The following MYO9A variants were observed in gnomAD, a reference collection of about 807,000 sequenced individuals.
MYO9A encodes myosin IXA.
Under a neutral mutation model 293.3 loss-of-function variants are expected in MYO9A, and 103 were observed. The ratio of observed to expected loss-of-function variants is 0.35; its 90% CI spans 0.30 to 0.41. MYO9A has a LOEUF of 0.41. Ranked by LOEUF, MYO9A falls within the 10% of genes least tolerant of loss-of-function variation. MYO9A has a pLI of 1.00. For missense variants in MYO9A, 2,685 were observed against 3,033.0 expected (o/e 0.89, Z 2.69); for synonymous variants, 1,001 against 1,035.7 (o/e 0.97, Z 0.64).
chr15:72,062,399 C>T (rs776525754), intron 1 of MYO9A, among the ~76,000 whole-genome samples: 34 of 152,132 alleles, frequency 2.2e-4, no homozygotes, highest in Non-Finnish European at 4.6e-4. Context: ...AGATATGTGA[C>T]CTTTCAGAGA....
intron 1 of MYO9A, among the ~76,000 whole-genome samples, chr15:72,096,667 A>C (rs762462917): frequency 1.3e-5 from 2 of 152,252 alleles, no homozygotes; most frequent in Non-Finnish European, 2.9e-5. Flanking sequence ...ATGAGGCTTT[A>C]GCTGCCATAG....
rs1368421801 is a variant in MYO9A at position 72,044,735 on chromosome 15, G to A, written c.840+989C>T. On this transcript the variant is annotated intron_variant, in intron 2 of 41. Coordinates refer to ENST00000356056, the MANE Select transcript of MYO9A (RefSeq NM_006901.4). The stretch of plus-strand genomic sequence containing the variant: ...TATTCTCTACATTATTACAAGTTTC[G>A]ATGCTAGGCACAGCTGTTAAGCTTG... Among the ~76,000 whole-genome samples the A allele has an allele frequency of 2.0e-5, 3 of 151,980 alleles. No homozygotes were observed. The East Asian group carries it at 5.8e-4, about 29-fold the overall frequency.
At chr15:71,911,919 T>C (rs927096537) in intron 19 of MYO9A, among the ~76,000 whole-genome samples, 6 of 152,242 alleles carry the variant, frequency 3.9e-5, no homozygotes, top group African/African-American at 1.2e-4. Flanking sequence ...ATATACATTA[T>C]AGTCTACCAT....
chr15:72,054,769 A>C (rs1250253040), intron 1 of MYO9A, among the ~76,000 whole-genome samples: 2 of 151,950 alleles, frequency 1.3e-5, no homozygotes, highest in African/African-American at 4.8e-5. Flanking sequence ...TATGATTATA[A>C]ATAAGATCAA....
chr15:71,827,783 TAC>T (rs2054568252), intron 41 of MYO9A, 99 bp downstream of exon 41: 2 of 1,291,194 alleles, frequency 1.5e-6, no homozygotes, highest in Admixed American at 4.6e-5. Context: ...ATTGCTGATG[TAC>T]AGTCAGTAAA....
intron 27 of MYO9A, among the ~76,000 whole-genome samples, chr15:71,887,685 C>A (rs2057061174): frequency 6.6e-6 from 1 of 152,148 alleles, no homozygotes; most frequent in African/African-American, 2.4e-5. Context: ...TACCTTTCCT[C>A]TGCATGATGT....
At chr15:71,970,884 C>T (rs957758514) in intron 12 of MYO9A, among the ~76,000 whole-genome samples, 5 of 151,938 alleles carry the variant, frequency 3.3e-5, no homozygotes, top group African/African-American at 9.7e-5. Flanking sequence ...CTCGGCCGGG[C>T]GCAGTGGCTC....
chr15:71,990,429 C>A (rs1383114160), intron 11 of MYO9A, among the ~76,000 whole-genome samples: 1 of 151,946 alleles, frequency 6.6e-6, no homozygotes, highest in Non-Finnish European at 1.5e-5. Context: ...CATCTGCTTA[C>A]AATGATATGT....
chr15:71,859,603 A>G, intron 34 of MYO9A, 132 bp downstream of exon 34: 1 of 622,232 alleles, frequency 1.6e-6, no homozygotes, highest in Non-Finnish European at 2.8e-6. Context: ...ACATATTTCT[A>G]CTGTGATTTG....
At position 72,117,773 on chromosome 15, in the gene MYO9A, A is replaced by C. The variant is rs1041557018; in HGVS notation, c.-165T>G. On this transcript the variant is annotated 5_prime_UTR_variant, in exon 1 of 42. Coordinates refer to ENST00000356056, the MANE Select transcript of MYO9A (RefSeq NM_006901.4). Reference sequence around the variant, plus strand: ...CCCAGGGTAGGACCGGAGATGGCAGAAGAGGCCGAGGCCACCGAGGGTCGG... The same window carrying C: ...CCCAGGGTAGGACCGGAGATGGCAGCAGAGGCCGAGGCCACCGAGGGTCGG... The C allele has an allele frequency of 2.5e-6, 1 of 397,960 alleles. No individual in the cohort carries two copies. The highest frequency in any genetic ancestry group is 2.1e-5 in the African/African-American group (1 of 48,560). 24.7% of individuals were successfully genotyped at this position (397,960 alleles called of 1,614,324 possible). A position where few individuals can be genotyped will look rare whatever the true frequency, so the allele number is the denominator to read the frequency against.
chr15:71,878,524 G>A (rs547933376), intron 30 of MYO9A, among the ~76,000 whole-genome samples: 44 of 152,128 alleles, frequency 2.9e-4, no homozygotes, highest in African/African-American at 9.9e-4. Flanking sequence ...AGCTATAAAG[G>A]TTATTTGCAT....
At chr15:71,970,885 G>A (rs1213200768) in intron 12 of MYO9A, among the ~76,000 whole-genome samples, 1 of 152,066 alleles carries the variant, frequency 6.6e-6, no homozygotes, top group East Asian at 1.9e-4. Flanking sequence ...TCGGCCGGGC[G>A]CAGTGGCTCA....
Position 71,925,366 on chromosome 15 carries a change from CATATATACGTATATACGTGTATATGG to C in MYO9A, c.2562+8278_2562+8303del, listed in dbSNP as rs1483729964. ...ACATATATACTTACATGTATATATA[CATATATACGTATATACGTGTATATGG>C]ATATATACGTATATACATATCTATG... On this transcript the variant is annotated intron_variant, in intron 18 of 41. Transcript: ENST00000356056. 3.3e-5 allele frequency among the ~76,000 whole-genome samples: 5 copies of C among 149,326 alleles called. No homozygotes were observed. In the South Asian group the frequency reaches 6.3e-4, roughly 19 times the overall value.
intron 1 of MYO9A, among the ~76,000 whole-genome samples, chr15:72,102,968 T>A (rs1218530843): frequency 1.3e-5 from 2 of 149,368 alleles, no homozygotes; most frequent in African/African-American, 5.0e-5. Context: ...AAATTATATA[T>A]GGTTTTTTTT....
chr15:72,099,645 G>A (rs1378694162), intron 1 of MYO9A, among the ~76,000 whole-genome samples: 1 of 151,810 alleles, frequency 6.6e-6, no homozygotes, highest in African/African-American at 2.4e-5. Flanking sequence ...GCTCATGCCT[G>A]TAATCCCAGA....
rs1388540240 is a variant in MYO9A at position 71,901,180 on chromosome 15, T to G, written c.3150+11A>C. On this transcript the variant is annotated intron_variant, in intron 23 of 41. Transcript: ENST00000356056. ...TAGTCAATCTCATGCAAAGAATCCT[T>G]TGCTTCTCACCTGGATAATAACAGA... is the stretch of plus-strand genomic sequence containing the variant. The G allele has an allele frequency of 6.2e-7, 1 of 1,603,862 alleles. No homozygotes were observed. Among genetic ancestry groups the G allele is most frequent in the Non-Finnish European group, 8.5e-7 (1 of 1,176,602 alleles).
chr15:71,972,991 T>C (rs180976352), intron 12 of MYO9A, among the ~76,000 whole-genome samples: 1 of 152,280 alleles, frequency 6.6e-6, no homozygotes, highest in Admixed American at 6.5e-5. Flanking sequence ...AAACTAGCTA[T>C]TATAAATAAA....
chr15:72,001,056 A>C (rs866370162), intron 8 of MYO9A, among the ~76,000 whole-genome samples: 3 of 152,184 alleles, frequency 2.0e-5, no homozygotes, highest in Non-Finnish European at 4.4e-5. Flanking sequence ...TATAATTTTT[A>C]CCAATATGCT....
chr15:72,087,062 G>A (rs1252968405), intron 1 of MYO9A, among the ~76,000 whole-genome samples: 2 of 152,144 alleles, frequency 1.3e-5, no homozygotes, highest in Non-Finnish European at 2.9e-5. Context: ...CACCGCCCCG[G>A]CCCACAGGAG....
Sources: gnomAD v4.1 joint callset for allele counts (sites outside exome capture counted in the v4.1 genomes callset) on GRCh38, gnomAD v4.1.1 for gene constraint, MANE v1.5 for transcripts, NCBI Gene and HGNC (gene_info 2026-07-23, HGNC 2026-07-21) for gene names.